ELN: variants seen among roughly 807,000 people sequenced by gnomAD.
The protein encoded by ELN is elastin, also known as tropoelastin.
ELN carries 65 observed loss-of-function variants against 105.8 expected under a neutral mutation model. The ratio of observed to expected loss-of-function variants is 0.61; its 90% CI spans 0.50 to 0.75. ELN has a LOEUF of 0.75. Among genes scored for constraint, ELN ranks in the 30% least tolerant of loss-of-function variants. The probability of loss-of-function intolerance (pLI) is 0.00; values close to 1 mark genes in which losing one functional copy is unlikely to be tolerated. For missense variants in ELN, 882 were observed against 969.4 expected, an observed-to-expected ratio of 0.91 and a Z score of 1.20; for synonymous variants, 368 against 389.2, an observed-to-expected ratio of 0.95 and a Z score of 0.64.
intron 9 of ELN, among the ~76,000 whole-genome samples, chr7:74,044,907 C>T (rs930444508): frequency 2.0e-5 from 3 of 152,210 alleles, no homozygotes; most frequent in African/African-American, 7.2e-5. Flanking sequence ...CAGCAGCTGT[C>T]CCTCTCTTTA....
In ELN at chr7:74,059,793, T is replaced by C. The variant is rs76628030; in HGVS notation, c.1415-93T>C. 3.3e-4 allele frequency: 265 copies of C among 800,232 alleles called. 1 individual carries two copies. In the African/African-American group the frequency reaches 3.9e-3, roughly 12 times the overall value. The allele number at this position is 800,232 out of a possible 1,614,324, so 49.6% of individuals were successfully genotyped here. ...CTGATCCAGGGTCACACAGCAAATCTATGCCAGGGCCGAGGCTCCAGCCCT... is the reference window on the plus strand; with the variant it reads ...CTGATCCAGGGTCACACAGCAAATCCATGCCAGGGCCGAGGCTCCAGCCCT... On this transcript the variant is annotated intron_variant, in intron 22 of 32. Coordinates refer to ENST00000252034, the MANE Select transcript of ELN (RefSeq NM_000501.4).
Position 74,042,686 on chromosome 7 carries a change from C to G in ELN, c.305C>G (p.Ala102Gly), listed in dbSNP as rs1791514936. ...GGTGGAGTGGCTGACGCTGCTGCAG[C>G]CTATAAAGCTGCTAAGGCTGGTGAG... ...VPGGVADAAA[A>G]YKAAKAGAGL... Residue 102 changes from alanine (A) to glycine (G), a missense_variant, in exon 6 of 33, where the codon GCC becomes GGC. By Grantham distance (60) the Ala-to-Gly change is moderately conservative (BLOSUM62 0). Coordinates refer to ENST00000252034, the MANE Select transcript of ELN (RefSeq NM_000501.4). 5.0e-6 allele frequency: 8 copies of G among 1,613,328 alleles called. No homozygotes were observed. Among genetic ancestry groups the G allele is most frequent in the Non-Finnish European group, 6.8e-6 (8 of 1,180,030 alleles).
At chr7:74,066,413 T>A (rs1554689259) in intron 31 of ELN, among the ~76,000 whole-genome samples, 1 of 151,552 alleles carries the variant, frequency 6.6e-6, no homozygotes, top group Admixed American at 6.6e-5. Flanking sequence ...CTAAAAAAAA[T>A]GCAAAAATTA....
Position 74,065,928 on chromosome 7 carries a change from A to G in ELN, c.2033-16A>G, listed in dbSNP as rs45618836. On this transcript the variant is annotated splice_polypyrimidine_tract_variant and intron_variant, in intron 30 of 32. Coordinates refer to ENST00000252034, the MANE Select transcript of ELN (RefSeq NM_000501.4). Reference sequence around the variant, plus strand: ...GATGGGGGTGTCTTATCCTGACCCCACCTGCCTCTTCTCAGGTGCTGCTGG... The same window carrying G: ...GATGGGGGTGTCTTATCCTGACCCCGCCTGCCTCTTCTCAGGTGCTGCTGG... 0.031 allele frequency: 50,052 copies of G among 1,614,004 alleles called. 1,036 individuals are homozygous for G. The highest frequency in any genetic ancestry group is 0.034 in the Non-Finnish European group (39,825 of 1,179,988).
intron 22 of ELN, among the ~76,000 whole-genome samples, chr7:74,058,276 TCTTCC>T (rs1795811488): frequency 7.8e-5 from 1 of 12,866 alleles, no homozygotes. Context: ...TTCTTCTTCT[TCTTCC>T]TCTGCTTCTT....
intron 13 of ELN, 27 bp from the exon 14 acceptor site, chr7:74,048,115 T>A (rs1792995322): frequency 1.9e-6 from 3 of 1,613,810 alleles, no homozygotes; most frequent in South Asian, 1.1e-5. Context: ...TCTGCACAGA[T>A]GACCATCAAG....
At chr7:74,047,866 A>G in intron 13 of ELN, 150 bp downstream of exon 13, 1 of 1,210,282 alleles carries the variant, frequency 8.3e-7, no homozygotes, top group South Asian at 1.3e-5. Context: ...AGGAAAGGGC[A>G]TGGAATTTGG....
intron 6 of ELN, 56 bp downstream of exon 6, chr7:74,042,762 C>G (rs1337857677): frequency 6.3e-7 from 1 of 1,596,938 alleles, no homozygotes; most frequent in Non-Finnish European, 8.5e-7. Context: ...TGGGGCCCTC[C>G]GCTTTGCAAA....
intron 13 of ELN, 109 bp downstream of exon 13, chr7:74,047,825 A>G (rs1792926141): frequency 6.6e-7 from 1 of 1,507,176 alleles, no homozygotes; most frequent in South Asian, 1.1e-5. Flanking sequence ...TCGCTGGGGC[A>G]GGGTTGGGGT....
intron 32 of ELN, among the ~76,000 whole-genome samples, chr7:74,067,738 G>A (rs1463319373): frequency 3.3e-5 from 5 of 150,044 alleles, no homozygotes; most frequent in Admixed American, 3.3e-4. Flanking sequence ...ACTCCAGCCT[G>A]GGCGGCACAG....
intron 25 of ELN, 64 bp from the exon 26 acceptor site, chr7:74,061,037 G>C (rs543366162): frequency 6.3e-7 from 1 of 1,599,380 alleles, no homozygotes; most frequent in African/African-American, 1.3e-5. Flanking sequence ...TCTAGAGGAG[G>C]CGGCAGAACT....
chr7:74,041,314 G>T, intron 5 of ELN, 63 bp downstream of exon 5: 1 of 1,605,086 alleles, frequency 6.2e-7, no homozygotes, highest in Non-Finnish European at 8.5e-7. Context: ...TCAACCCAGG[G>T]CTGGTATGCA....
intron 29 of ELN, among the ~76,000 whole-genome samples, chr7:74,064,206 C>G (rs576053940): frequency 6.6e-6 from 1 of 151,408 alleles, no homozygotes. Context: ...ATCACGAGGT[C>G]AGATCAAGAC....
intron 15 of ELN, among the ~76,000 whole-genome samples, chr7:74,051,083 T>G (rs1465484627): frequency 3.3e-5 from 5 of 152,212 alleles, no homozygotes; most frequent in Non-Finnish European, 5.9e-5. Flanking sequence ...CCTGTGCCCG[T>G]GCAGTGGGTG....
At chr7:74,065,913 T>C in intron 30 of ELN, 31 bp from the exon 31 acceptor site, 8 of 1,614,082 alleles carry the variant, frequency 5.0e-6, no homozygotes, top group Non-Finnish European at 5.1e-6. Flanking sequence ...GATGGGGGTG[T>C]CTTATCCTGA....
intron 4 of ELN, among the ~76,000 whole-genome samples, chr7:74,040,896 G>A (rs554711023): frequency 1.6e-4 from 25 of 152,220 alleles, no homozygotes; most frequent in Non-Finnish European, 3.2e-4. Flanking sequence ...GTGAGGTCTC[G>A]CTCACGGACT....
rs1554678572 is a variant in ELN at position 74,054,780 on chromosome 7, T to C, written c.1150+11T>C. On this transcript the variant is annotated intron_variant, in intron 19 of 32. Transcript: ENST00000252034. ...AGGCAGCCAAATACGGTGAGTGCTA[T>C]GCTGACAGCTCTGCCCCACCCTGTC... The C allele has an allele frequency of 1.2e-6, 2 of 1,613,954 alleles. No individual in the cohort carries two copies. The highest frequency in any genetic ancestry group is 1.1e-5 in the South Asian group (1 of 91,052).
At chr7:74,028,763 C>T (rs1336844185) in intron 1 of ELN, among the ~76,000 whole-genome samples, 5 of 152,214 alleles carry the variant, frequency 3.3e-5, no homozygotes, top group Admixed American at 2.6e-4. Flanking sequence ...GGGATCCCCC[C>T]GTCAGGAAGG....
In ELN at chr7:74,063,147, C is replaced by G; in HGVS notation, c.1787-6C>G. 1 of 1,603,410 alleles carries G rather than the reference C, an allele frequency of 6.2e-7. No individual in the cohort carries two copies. Among genetic ancestry groups the G allele is most frequent in the Non-Finnish European group, 8.5e-7 (1 of 1,176,186 alleles). On this transcript the variant is annotated splice_polypyrimidine_tract_variant and splice_region_variant and intron_variant, in intron 26 of 32. Transcript: ENST00000252034. The surrounding 1 kb of genome is among the most constrained non-coding windows in gnomAD (Gnocchi z 4.1). ...GGAACACTCATTTTCCCTCCTCTCC[C>G]CGCAGGAGCAGCAGTGCCTGGGGTC...
Sources: allele counts gnomAD v4.1 joint callset (sites outside exome capture counted in the v4.1 genomes callset), GRCh38; gene constraint gnomAD v4.1.1; non-coding constraint Gnocchi (gnomAD v3.1); transcripts MANE v1.5; gene names NCBI Gene and HGNC (gene_info 2026-07-23, HGNC 2026-07-21).